The following ODAD3 variants were observed in gnomAD, a reference collection of about 807,000 sequenced individuals.
ODAD3 encodes the protein outer dynein arm-docking complex subunit 3.
In ODAD3, 57 loss-of-function variants were observed where a neutral mutation model predicts 70.9. That is an observed-to-expected ratio of 0.80 (90% confidence interval 0.65 to 1.00). The LOEUF is 1.00. Among genes scored for constraint, ODAD3 ranks in the 50% least tolerant of loss-of-function variants. ODAD3 has a pLI of 0.00. For synonymous variants in ODAD3, 327 were observed against 315.9 expected (o/e 1.04, Z -0.37); for missense variants, 797 against 763.9 (o/e 1.04, Z -0.51).
chr19:11,426,705 A>G lies in ODAD3; in HGVS notation c.692T>C (p.Leu231Pro). 1 of 1,613,822 alleles carries G rather than the reference A, an allele frequency of 6.2e-7. No homozygotes were observed. The highest frequency in any genetic ancestry group is 8.5e-7 in the Non-Finnish European group (1 of 1,179,878). ...QEAEHITSVY[L>P]QLKAYLMDES... ...TACCATTAGATAGGCCTTGAGCTGCAGGTACACGCTGGTAATGTGCTCGGC... is the reference window on the plus strand; with the variant it reads ...TACCATTAGATAGGCCTTGAGCTGCGGGTACACGCTGGTAATGTGCTCGGC... The change falls in exon 5 of 13, where the codon CTG becomes CCG. Residue 231 changes from leucine (L) to proline (P), a missense_variant. Physicochemically the swap from Leu to Pro is moderately conservative, Grantham distance 98. Transcript: ENST00000356392.
At chr19:11,435,493 G>C (rs1043096080), upstream of ODAD3, 1 of 400,406 alleles carries the variant, frequency 2.5e-6, no homozygotes, top group Non-Finnish European at 4.7e-6. Context: ...TCCTCTCTAA[G>C]GTTTCACAGT....
Position 11,434,918 on chromosome 19 carries a change from C to G in ODAD3, c.99G>C (p.Ser33=). ...PSSRVKGREA[S]GKPSHLRGKG... is the part of the protein sequence containing the mutation. ...TGCCTCGGAGGTGGCTGGGTTTGCC[C>G]GAAGCCTCCCTGCCCTTGACCCTGG... Residue 33 remains serine (S), a synonymous_variant, in exon 1 of 13, where the codon TCG becomes TCC. Transcript: ENST00000356392. 6.2e-7 allele frequency: 1 copy of G among 1,614,110 alleles called. No homozygotes were observed. Among genetic ancestry groups the G allele is most frequent in the African/African-American group, 1.3e-5 (1 of 75,064 alleles).
At position 11,422,832 on chromosome 19, in the gene ODAD3, G is replaced by T; in HGVS notation, c.1146C>A (p.Gly382=). ...GCGTCTCCAACTGCGCGAAGGTGTC[G>T]CCCTGGGCCAGGAACCGCCGCACCA... ...HSLVRRFLAQ[G]DTFAQLETLK... Residue 382 remains glycine, a synonymous_variant, in exon 9 of 13, where the codon GGC becomes GGA. Transcript: ENST00000356392. The surrounding 1 kb of genome is among the most constrained non-coding windows in gnomAD (Gnocchi z 4.6). The T allele has an allele frequency of 6.2e-7, 1 of 1,605,614 alleles. No homozygotes were observed. The highest frequency in any genetic ancestry group is 1.1e-5 in the South Asian group (1 of 91,080).
intron 6 of ODAD3, 71 bp from the exon 7 acceptor site, chr19:11,426,337 T>C (rs552364409): frequency 1.1e-5 from 17 of 1,606,516 alleles, no homozygotes; most frequent in South Asian, 3.3e-5. Flanking sequence ...TGCTGGGAGA[T>C]AGATGGGGGC....
chr19:11,425,003 GTATATATGTGTATATA>G lies in ODAD3; in HGVS notation c.964-990_964-975del, dbSNP rs1362744939. 1.5e-3 allele frequency among the ~76,000 whole-genome samples: 182 copies of G among 124,976 alleles called. 42 individuals carry two copies. The highest frequency in any genetic ancestry group is 6.0e-3 in the African/African-American group (168 of 28,096). The allele number at this position is 124,976 out of a possible 152,430, so 82.0% of individuals were successfully genotyped here. On this transcript the variant is annotated intron_variant, in intron 7 of 12. Coordinates refer to ENST00000356392, the MANE Select transcript of ODAD3 (RefSeq NM_145045.5). ...TGTGTATATGTACATATGTGTATAT[GTATATATGTGTATATA>G]TACATATGTGCATATATACATATGT...
chr19:11,425,651 G>A (rs1454680617), intron 7 of ODAD3, among the ~76,000 whole-genome samples: 1 of 123,478 alleles, frequency 8.1e-6, no homozygotes, highest in Non-Finnish European at 1.6e-5. Context: ...ATGTATATAC[G>A]TATATATATA....
chr19:11,429,527 A>G (rs1186396096), intron 3 of ODAD3, among the ~76,000 whole-genome samples: 1 of 151,896 alleles, frequency 6.6e-6, no homozygotes, highest in Non-Finnish European at 1.5e-5. Flanking sequence ...TCTGTGCCTC[A>G]GCCTCCTGAG....
chr19:11,430,520 G>C (rs1200500260), intron 3 of ODAD3, 179 bp downstream of exon 3: 1 of 635,356 alleles, frequency 1.6e-6, no homozygotes, highest in Non-Finnish European at 2.8e-6. Context: ...CTTTTTCACT[G>C]CATTTACTAC....
At chr19:11,433,569 T>TC (rs1297280415) in intron 1 of ODAD3, among the ~76,000 whole-genome samples, 3 of 152,172 alleles carry the variant, frequency 2.0e-5, no homozygotes, top group Non-Finnish European at 4.4e-5. Context: ...TTACTCTTAG[T>TC]CCCCCAAGGT....
Position 11,422,145 on chromosome 19 carries a change from G to A in ODAD3, c.1435-313C>T, listed in dbSNP as rs565836320. On this transcript the variant is annotated intron_variant, in intron 10 of 12. Transcript: ENST00000356392. This position sits in a 1 kb window ranked among gnomAD's most constrained non-coding sequence, Gnocchi z 4.6. The stretch of plus-strand genomic sequence containing the variant: ...GCGGGCAGGATAGGTCTTCTGTCTC[G>A]GGCTGCTCCAGAACTGCAGATAGGT... Among the ~76,000 whole-genome samples, 1 of 152,220 alleles carries A rather than the reference G, an allele frequency of 6.6e-6. No individual in the cohort carries two copies. Among genetic ancestry groups the A allele is most frequent in the African/African-American group, 2.4e-5 (1 of 41,460 alleles).
intron 1 of ODAD3, among the ~76,000 whole-genome samples, chr19:11,432,855 G>A (rs112415575): frequency 0.027 from 4,115 of 151,390 alleles, 174 homozygotes; most frequent in African/African-American, 0.094. Flanking sequence ...GTGCAGTGGC[G>A]CAATCCTGGC....
In ODAD3 at chr19:11,421,148, G is replaced by C. The variant is rs1295487063; in HGVS notation, c.1655C>G (p.Thr552Ser). The C allele has an allele frequency of 6.2e-7, 1 of 1,613,614 alleles. No individual in the cohort carries two copies. The highest frequency in any genetic ancestry group is 1.1e-5 in the South Asian group (1 of 91,056). Residue 552 changes from threonine to serine, a missense_variant, in exon 12 of 13, where the codon ACT becomes AGT. Thr to Ser is a moderately conservative substitution (Grantham distance 58). Coordinates refer to ENST00000356392, the MANE Select transcript of ODAD3 (RefSeq NM_145045.5). ...CTGACCAAAAAACTTGTCCTTGGAA[G>C]TGGCAAGGGGCAGGGCGATGCGGGT... The part of the protein sequence containing the change: ...YNTRIALPLA[T>S]SKDKFFDEES...
At chr19:11,424,083 A>C in intron 7 of ODAD3, 54 bp from the exon 8 acceptor site, 1 of 1,574,714 alleles carries the variant, frequency 6.4e-7, no homozygotes, top group Non-Finnish European at 8.6e-7. Context: ...GCGCTTGGGA[A>C]GGAGGCCGGG....
chr19:11,426,239 AG>A lies in ODAD3; in HGVS notation c.867del (p.Leu290TrpfsTer12). ...AKNQLQYLEE[T>X]LVRERKKRER... ...TCCCGCTTCTTGCGCTCTCGAACCA[AG>A]GTCTCCTCTAGGTACTGCAGCTGGT... On this transcript the variant is annotated frameshift_variant, in exon 7 of 13. Coordinates refer to ENST00000356392, the MANE Select transcript of ODAD3 (RefSeq NM_145045.5). LOFTEE classifies it high-confidence loss of function. The A allele has an allele frequency of 6.2e-7, 1 of 1,613,848 alleles. No homozygotes were observed. Among genetic ancestry groups the A allele is most frequent in the Non-Finnish European group, 8.5e-7 (1 of 1,179,920 alleles).
chr19:11,423,740 G>A, intron 8 of ODAD3, 137 bp downstream of exon 8: 1 of 824,926 alleles, frequency 1.2e-6, no homozygotes, highest in Non-Finnish European at 1.8e-6. Flanking sequence ...TTCAAGAAAG[G>A]AGCAGGTTTG....
chr19:11,430,946 G>C lies in ODAD3; in HGVS notation c.319C>G (p.Arg107Gly). 1 of 1,613,960 alleles carries C rather than the reference G, an allele frequency of 6.2e-7. No homozygotes were observed. Among genetic ancestry groups the C allele is most frequent in the Non-Finnish European group, 8.5e-7 (1 of 1,180,006 alleles). Residue 107 changes from arginine to glycine, a missense_variant, in exon 2 of 13, where the codon CGC becomes GGC. Coordinates refer to ENST00000356392, the MANE Select transcript of ODAD3 (RefSeq NM_145045.5). ...KKNQETISQL[R>G]KETKALELKL... ...AGTTCCAGTGCCTTAGTCTCCTTGCGGAGCTGACTGATGGTCTCCTGGTTC... is the reference window on the plus strand; with the variant it reads ...AGTTCCAGTGCCTTAGTCTCCTTGCCGAGCTGACTGATGGTCTCCTGGTTC...
At chr19:11,434,128 G>A (rs1200042703) in intron 1 of ODAD3, among the ~76,000 whole-genome samples, 2 of 151,368 alleles carry the variant, frequency 1.3e-5, no homozygotes, top group African/African-American at 2.4e-5. Flanking sequence ...CTCGAGAATC[G>A]CTTGAACCTT....
At chr19:11,424,959 ATG>A (rs1316943390) in intron 7 of ODAD3, among the ~76,000 whole-genome samples, 2 of 129,786 alleles carry the variant, frequency 1.5e-5, no homozygotes, top group Non-Finnish European at 3.2e-5. Flanking sequence ...ATATGTACAT[ATG>A]TGTATATATG....
At chr19:11,426,645 C>T (rs367589909) in intron 5 of ODAD3, 38 bp downstream of exon 5, 20 of 1,613,472 alleles carry the variant, frequency 1.2e-5, no homozygotes, top group Non-Finnish European at 1.5e-5. Context: ...GCCCGCCCTC[C>T]CTGTTTGTCA....
Sources: gnomAD v4.1 joint callset for allele counts (sites outside exome capture counted in the v4.1 genomes callset) on GRCh38, gnomAD v4.1.1 for gene constraint, Gnocchi (gnomAD v3.1) non-coding constraint, MANE v1.5 for transcripts, NCBI Gene and HGNC (gene_info 2026-07-23, HGNC 2026-07-21) for gene names.